Variants in PPP1R12B observed in about 807,000 individuals in gnomAD.
PPP1R12B encodes the protein protein phosphatase 1 regulatory subunit 12B, also known as myosin phosphatase target subunit 2.
Under a neutral mutation model 126.1 loss-of-function variants are expected in PPP1R12B, and 76 were observed. The ratio of observed to expected loss-of-function variants is 0.60; its 90% CI spans 0.50 to 0.73. PPP1R12B has a LOEUF of 0.73. Among genes scored for constraint, PPP1R12B ranks in the 30% least tolerant of loss-of-function variants. The pLI, the probability that PPP1R12B is intolerant of heterozygous loss-of-function variation, is 0.00. For missense variants in PPP1R12B, 1,052 were observed against 1,205.1 expected (o/e 0.87, Z 1.88); for synonymous variants, 356 against 434.7 (o/e 0.82, Z 2.25).
intron 13 of PPP1R12B, among the ~76,000 whole-genome samples, chr1:202,475,916 TTGAC>T (rs1676582552): frequency 6.6e-6 from 1 of 151,960 alleles, no homozygotes. Flanking sequence ...ACACAGGACA[TTGAC>T]TGGGCATCGT....
At chr1:202,559,862 G>A (rs2149005542) in intron 19 of PPP1R12B, among the ~76,000 whole-genome samples, 1 of 152,216 alleles carries the variant, frequency 6.6e-6, no homozygotes, top group Non-Finnish European at 1.5e-5. Flanking sequence ...AATCTTTTGT[G>A]AACTCTCTCG....
At chr1:202,562,297 C>T (rs750848476) in intron 19 of PPP1R12B, among the ~76,000 whole-genome samples, 28 of 152,182 alleles carry the variant, frequency 1.8e-4, no homozygotes, top group South Asian at 4.1e-4. Context: ...CTGTAGAGCA[C>T]CTAAAAGGCA....
intron 18 of PPP1R12B, among the ~76,000 whole-genome samples, chr1:202,553,678 A>G (rs1686566640): frequency 1.3e-5 from 2 of 152,172 alleles, no homozygotes; most frequent in African/African-American, 2.4e-5. Context: ...CCGCATTCCT[A>G]GCCTCTAAAG....
In PPP1R12B at chr1:202,495,160, C is replaced by T. The variant is rs1198421730; in HGVS notation, c.2146-133C>T. On this transcript the variant is annotated intron_variant, in intron 15 of 23. Transcript: ENST00000608999. ...TAGTTCATTTATTGAGTGCCTATTA[C>T]CAGGTACTCAATATTGATCATCATC... 4 of 532,704 alleles carry T rather than the reference C, an allele frequency of 7.5e-6. No individual in the cohort carries two copies. The African/African-American group carries it at 8.0e-5, about 11-fold the overall frequency. 33.0% of individuals were successfully genotyped at this position (532,704 alleles called of 1,614,324 possible).
At chr1:202,543,576 C>G (rs1044721391) in intron 18 of PPP1R12B, among the ~76,000 whole-genome samples, 3 of 152,102 alleles carry the variant, frequency 2.0e-5, no homozygotes, top group Non-Finnish European at 2.9e-5. Flanking sequence ...CCCATCTCTA[C>G]TAAAATTACA....
At chr1:202,482,399 GT>G (rs1324807151) in intron 13 of PPP1R12B, among the ~76,000 whole-genome samples, 2 of 152,088 alleles carry the variant, frequency 1.3e-5, no homozygotes, top group African/African-American at 4.8e-5. Context: ...GCCAAAACTG[GT>G]TTTCTTTTGT....
At chr1:202,398,261 A>G (rs1214112339) in intron 1 of PPP1R12B, among the ~76,000 whole-genome samples, 2 of 152,206 alleles carry the variant, frequency 1.3e-5, no homozygotes, top group African/African-American at 4.8e-5. Flanking sequence ...AAAAGAAGCA[A>G]AAACGAAAAC....
chr1:202,537,836 G>A (rs1684707354), intron 18 of PPP1R12B, among the ~76,000 whole-genome samples: 2 of 152,214 alleles, frequency 1.3e-5, no homozygotes, highest in South Asian at 4.1e-4. Context: ...CCAAGCATGG[G>A]AATGTTAGTA....
At chr1:202,386,611 G>T (rs534454840) in intron 1 of PPP1R12B, among the ~76,000 whole-genome samples, 2 of 152,162 alleles carry the variant, frequency 1.3e-5, no homozygotes, top group African/African-American at 2.4e-5. Context: ...GAGCCACGGC[G>T]CCTGGCCTGG....
In PPP1R12B at chr1:202,448,112, G is replaced by A. The variant is rs1216169471; in HGVS notation, c.1668-877G>A. Among the ~76,000 whole-genome samples, 3 of 151,238 alleles carry A rather than the reference G, an allele frequency of 2.0e-5. No homozygotes were observed. The East Asian group carries it at 5.8e-4, about 29-fold the overall frequency. On this transcript the variant is annotated intron_variant, in intron 12 of 23. Transcript: ENST00000608999. ...ACATTTCTGCTAATAATTGTGAGTA[G>A]GTGAAAAAAATAGATTTTTAATATT...
At chr1:202,569,395 C>T (rs978094466) in intron 23 of PPP1R12B, among the ~76,000 whole-genome samples, 198 bp downstream of exon 23, 2 of 152,168 alleles carry the variant, frequency 1.3e-5, no homozygotes, top group African/African-American at 4.8e-5. Context: ...CCATTGAGGA[C>T]ACCTTAAAGG....
intron 18 of PPP1R12B, among the ~76,000 whole-genome samples, chr1:202,556,033 A>AC (rs1479853331): frequency 6.6e-6 from 1 of 151,794 alleles, no homozygotes; most frequent in Non-Finnish European, 1.5e-5. Context: ...GTGCCACCAT[A>AC]CCCAGCTAAT....
Position 202,349,143 on chromosome 1 carries a change from G to A in PPP1R12B, c.291+1G>A, listed in dbSNP as rs1366003119. The A allele has an allele frequency of 6.2e-7, 1 of 1,613,676 alleles. No homozygotes were observed. Among genetic ancestry groups the A allele is most frequent in the Admixed American group, 1.7e-5 (1 of 59,998 alleles). ...GGACGGCTTGACAGCCCTGCACCAG[G>A]TAACTCCTTTCTTGGTCTTAGAGGC... is the stretch of plus-strand genomic sequence containing the variant. On this transcript the variant is annotated splice_donor_variant, in intron 1 of 23. Transcript: ENST00000608999. LOFTEE classifies it high-confidence loss of function.
chr1:202,495,308 C>T lies in PPP1R12B; in HGVS notation c.2161C>T (p.Leu721=). Residue 721 remains leucine, a synonymous_variant, in exon 16 of 24, where the codon CTG becomes TTG. Coordinates refer to ENST00000608999, the MANE Select transcript of PPP1R12B (RefSeq NM_002481.4). ...TTATTTCCAGCCTATCTGTCATCGC[C>T]TGAGGTGCCCAGCTCAGCCAGACAA... The part of the protein sequence containing the change: ...SLDEEPICHR[L]RCPAQPDKPT... 1 of 1,567,890 alleles carries T rather than the reference C, an allele frequency of 6.4e-7. No individual in the cohort carries two copies.
chr1:202,446,253 TATA>T (rs1157408833), intron 12 of PPP1R12B, among the ~76,000 whole-genome samples: 3,542 of 66,542 alleles, frequency 0.053, 132 homozygotes, highest in African/African-American at 0.14. Context: ...TATATATATA[TATA>T]TTTTTTTTTT....
At chr1:202,495,711 A>G in intron 17 of PPP1R12B, 29 bp downstream of exon 17, 2 of 1,568,342 alleles carry the variant, frequency 1.3e-6, no homozygotes, top group Non-Finnish European at 8.8e-7. Context: ...GCTGAGGCAT[A>G]TCATATTACT....
rs1218548068 is a variant in PPP1R12B at position 202,548,808 on chromosome 1, C to CTCTCTCTCTATATA, written c.2491-10068_2491-10067insCTCTCTCTATATAT. Among the ~76,000 whole-genome samples, 3 of 72,992 alleles carry CTCTCTCTCTATATA rather than the reference C, an allele frequency of 4.1e-5. 1 individual carries two copies. Among genetic ancestry groups the CTCTCTCTCTATATA allele is most frequent in the East Asian group, 9.8e-4 (2 of 2,046 alleles). 47.9% of individuals were successfully genotyped at this position (72,992 alleles called of 152,430 possible). On this transcript the variant is annotated intron_variant, in intron 18 of 23. Coordinates refer to ENST00000608999, the MANE Select transcript of PPP1R12B (RefSeq NM_002481.4). ...TCTCTCTCTCTCTCTCTCTCTCTCTCTATATATATATATATATATATATAT... is the reference window on the plus strand; with the variant it reads ...TCTCTCTCTCTCTCTCTCTCTCTCTCTCTCTCTCTATATATATATATATATATATATATATATAT...
chr1:202,481,865 C>T (rs1677427184), intron 13 of PPP1R12B, among the ~76,000 whole-genome samples: 1 of 152,166 alleles, frequency 6.6e-6, no homozygotes, highest in Non-Finnish European at 1.5e-5. Context: ...AAACCAACCT[C>T]TCCCCATCCT....
Position 202,533,026 on chromosome 1 carries a change from C to T in PPP1R12B, c.2491-25851C>T, listed in dbSNP as rs187559696. On this transcript the variant is annotated intron_variant, in intron 18 of 23. Coordinates refer to ENST00000608999, the MANE Select transcript of PPP1R12B (RefSeq NM_002481.4). ...CTGGGATTACAGGCATGTGCCACCACACCCGGCTAATTTTGTATTTTCAGT... is the reference window on the plus strand; with the variant it reads ...CTGGGATTACAGGCATGTGCCACCATACCCGGCTAATTTTGTATTTTCAGT... Among the ~76,000 whole-genome samples the T allele has an allele frequency of 2.6e-5, 4 of 151,912 alleles. No homozygotes were observed. The East Asian group carries it at 7.8e-4, about 30-fold the overall frequency.
Sources: gnomAD v4.1 joint callset for allele counts (sites outside exome capture counted in the v4.1 genomes callset) on GRCh38, gnomAD v4.1.1 for gene constraint, MANE v1.5 for transcripts, NCBI Gene and HGNC (gene_info 2026-07-23, HGNC 2026-07-21) for gene names.